The following DTNA variants were observed in gnomAD, a reference collection of about 807,000 sequenced individuals.
DTNA encodes the protein dystrophin-related protein 3.
In DTNA, 43 loss-of-function variants were observed where a neutral mutation model predicts 100.7. That is an observed-to-expected ratio of 0.43 (90% CI 0.33 to 0.55). DTNA has a LOEUF of 0.55. Among genes scored for constraint, DTNA ranks in the 20% least tolerant of loss-of-function variants. The probability of loss-of-function intolerance (pLI) is 0.04; values close to 1 mark genes in which losing one functional copy is unlikely to be tolerated. For synonymous variants in DTNA, 349 were observed against 347.9 expected (o/e 1.00, Z -0.04); for missense variants, 798 against 953.9 (o/e 0.84, Z 2.15).
At chr18:34,614,049 C>T (rs1403888887) in intron 1 of DTNA, among the ~76,000 whole-genome samples, 1 of 152,082 alleles carries the variant, frequency 6.6e-6, no homozygotes, top group Non-Finnish European at 1.5e-5. Context: ...AAATTGAAGC[C>T]AATGCTTATT....
In DTNA at chr18:34,879,731, C is replaced by A; in HGVS notation, c.2162+12C>A. 1 of 1,613,908 alleles carries A rather than the reference C, an allele frequency of 6.2e-7. No individual in the cohort carries two copies. Among genetic ancestry groups the A allele is most frequent in the African/African-American group, 1.3e-5 (1 of 75,028 alleles). On this transcript the variant is annotated intron_variant, in intron 20 of 22. Transcript: ENST00000444659. ...ATGCGTGGCGACATGTGAGTATCTT[C>A]CGCTTGGAAGCATTTTCTCAGTAAC... is the stretch of plus-strand genomic sequence containing the variant.
At chr18:34,683,670 A>G (rs2078446138) in intron 1 of DTNA, 1 of 152,172 alleles carries the variant, frequency 6.6e-6, no homozygotes, top group Non-Finnish European at 1.5e-5. Flanking sequence ...AAACTCCTTC[A>G]TCATCCTAAA....
In DTNA at chr18:34,825,253, T is replaced by G. The variant is rs776670821; in HGVS notation, c.1002-2340T>G. 10 of 1,613,360 alleles carry G rather than the reference T, an allele frequency of 6.2e-6. No individual in the cohort carries two copies. Among genetic ancestry groups the G allele is most frequent in the African/African-American group, 2.7e-5 (2 of 75,026 alleles). On this transcript the variant is annotated intron_variant, in intron 9 of 22. Coordinates refer to ENST00000444659, the MANE Select transcript of DTNA (RefSeq NM_001386795.1). The stretch of plus-strand genomic sequence containing the variant: ...TAACGGTCTCTATTCTGTTCAATTC[T>G]TCGCTGCCAAAAGTGATACTTGGTA...
chr18:34,665,588 A>G (rs543956893), intron 1 of DTNA, among the ~76,000 whole-genome samples: 1 of 152,130 alleles, frequency 6.6e-6, no homozygotes, highest in Non-Finnish European at 1.5e-5. Flanking sequence ...TCCACCCCAC[A>G]ACAGGCCCCA....
At chr18:34,588,117 AAC>A (rs2049323457) in intron 1 of DTNA, among the ~76,000 whole-genome samples, 6 of 152,176 alleles carry the variant, frequency 3.9e-5, no homozygotes, top group African/African-American at 1.4e-4. Context: ...AATTGGCACC[AAC>A]TTTTCAAAAA....
At chr18:34,669,348 A>G (rs942759414) in intron 1 of DTNA, among the ~76,000 whole-genome samples, 5 of 152,108 alleles carry the variant, frequency 3.3e-5, no homozygotes, top group East Asian at 1.9e-4. Context: ...TTTCCTGAAT[A>G]CAGTACACTG....
At chr18:34,851,069 T>C (rs967489885) in intron 14 of DTNA, among the ~76,000 whole-genome samples, 12 of 152,128 alleles carry the variant, frequency 7.9e-5, no homozygotes, top group African/African-American at 2.9e-4. Flanking sequence ...GAAAAGTAAG[T>C]CTTACCAACT....
At chr18:34,665,476 G>A (rs1468795307) in intron 1 of DTNA, among the ~76,000 whole-genome samples, 1 of 152,062 alleles carries the variant, frequency 6.6e-6, no homozygotes, top group Non-Finnish European at 1.5e-5. Flanking sequence ...ACAATGTGCA[G>A]GTTTGTTACA....
intron 16 of DTNA, 117 bp from the exon 17 acceptor site, chr18:34,863,849 C>T: frequency 3.1e-6 from 3 of 961,322 alleles, no homozygotes; most frequent in Non-Finnish European, 3.2e-6. Context: ...GCCTGGTAAC[C>T]TTGTCAGAGA....
intron 3 of DTNA, among the ~76,000 whole-genome samples, chr18:34,767,942 G>T (rs1255199276): frequency 3.9e-5 from 6 of 152,180 alleles, no homozygotes; most frequent in Admixed American, 2.6e-4. Flanking sequence ...TACAGATGTT[G>T]AAAGAATTTG....
At chr18:34,788,541 C>G (rs2094589494) in intron 3 of DTNA, among the ~76,000 whole-genome samples, 1 of 152,106 alleles carries the variant, frequency 6.6e-6, no homozygotes, top group African/African-American at 2.4e-5. Flanking sequence ...GTAGGGGACC[C>G]CAGCCACTGC....
At chr18:34,850,637 G>A (rs1476699906) in intron 14 of DTNA, among the ~76,000 whole-genome samples, 2 of 152,074 alleles carry the variant, frequency 1.3e-5, no homozygotes, top group Admixed American at 1.3e-4. Context: ...TCCATTCTTC[G>A]GTAGAAAGAT....
At chr18:34,828,953 T>C (rs1935093208) in intron 10 of DTNA, 2 of 1,444,160 alleles carry the variant, frequency 1.4e-6, no homozygotes, top group Admixed American at 1.7e-5. Flanking sequence ...TTTAGAAATA[T>C]GTACTTTTAT....
rs1338862406 is a variant in DTNA, at chr18:34,554,770, G to A, written c.-2+61256G>A. Among the ~76,000 whole-genome samples, 7 of 143,360 alleles carry A rather than the reference G, an allele frequency of 4.9e-5. 1 individual carries two copies. The highest frequency in any genetic ancestry group is 6.1e-5 in the Non-Finnish European group (4 of 65,728). 94.0% of individuals were successfully genotyped at this position (143,360 alleles called of 152,430 possible). A position where few individuals can be genotyped will look rare whatever the true frequency, so the allele number is the denominator to read the frequency against. ...AGCTTTTTGATGTGCTGCTGGATTTGTTTTGCCAGTATTTTATTGAGGATT... is the reference window on the plus strand; with the variant it reads ...AGCTTTTTGATGTGCTGCTGGATTTATTTTGCCAGTATTTTATTGAGGATT... On this transcript the variant is annotated intron_variant, in intron 1 of 19. Transcript: ENST00000283365.
chr18:34,843,353 A>AT (rs927190101), intron 13 of DTNA, among the ~76,000 whole-genome samples: 10 of 151,854 alleles, frequency 6.6e-5, no homozygotes, highest in East Asian at 5.8e-4. Context: ...TTGGGCAAGA[A>AT]TTTTTTTTTA....
chr18:34,736,958 A>G (rs567710303), intron 1 of DTNA, among the ~76,000 whole-genome samples: 322 of 152,346 alleles, frequency 2.1e-3, no homozygotes, highest in African/African-American at 7.2e-3. Context: ...AGAAAGGCAC[A>G]TAGTGCAGGC....
chr18:34,552,883 G>A (rs1459164819), intron 1 of DTNA, among the ~76,000 whole-genome samples: 1 of 142,018 alleles, frequency 7.0e-6, no homozygotes, highest in Non-Finnish European at 1.5e-5. Context: ...AGTCCTTTGG[G>A]TATATACCCA....
chr18:34,568,658 C>CT (rs199676687), intron 1 of DTNA, among the ~76,000 whole-genome samples: 2,572 of 152,224 alleles, frequency 0.017, 60 homozygotes, highest in African/African-American at 0.05. Context: ...GAGTTTCTCT[C>CT]TGTCACCCAA....
At chr18:34,582,453 A>T (rs1403089893) in intron 1 of DTNA, among the ~76,000 whole-genome samples, 2 of 152,134 alleles carry the variant, frequency 1.3e-5, no homozygotes, top group East Asian at 3.9e-4. Context: ...TTTGGGGATG[A>T]CATAGAAAAC....
Sources: gnomAD v4.1 joint callset for allele counts (sites outside exome capture counted in the v4.1 genomes callset) on GRCh38, gnomAD v4.1.1 for gene constraint, MANE v1.5 for transcripts, NCBI Gene and HGNC (gene_info 2026-07-23, HGNC 2026-07-21) for gene names.